The following KCNH7 variants were observed in gnomAD, a reference collection of about 807,000 sequenced individuals.
KCNH7 encodes voltage-gated inwardly rectifying potassium channel KCNH7.
Under a neutral mutation model 120.8 loss-of-function variants are expected in KCNH7, and 49 were observed. The observed-to-expected ratio is 0.41, with a 90% confidence interval of 0.32 to 0.51. The LOEUF (loss-of-function observed/expected upper bound fraction) is 0.51, where lower values mean the gene tolerates loss of function less well. Among genes scored for constraint, KCNH7 ranks in the 20% least tolerant of loss-of-function variants. The pLI is 0.38. For synonymous variants in KCNH7, 547 were observed against 516.1 expected (o/e 1.06, Z -0.81); for missense variants, 1,097 against 1,446.6 (o/e 0.76, Z 3.92).
At chr2:162,819,687 G>T (rs1180618704) in intron 2 of KCNH7, among the ~76,000 whole-genome samples, 2 of 152,124 alleles carry the variant, frequency 1.3e-5, no homozygotes, top group Admixed American at 1.3e-4. Context: ...GGCTTGTTAT[G>T]CTTAGTTTGG....
At chr2:162,546,087 G>A (rs532481164) in intron 2 of KCNH7, among the ~76,000 whole-genome samples, 21 of 152,254 alleles carry the variant, frequency 1.4e-4, no homozygotes, top group South Asian at 6.2e-4. Flanking sequence ...ATTTTCTGAC[G>A]CATAAATCAG....
At chr2:162,818,262 C>T (rs1033140815) in intron 2 of KCNH7, among the ~76,000 whole-genome samples, 1 of 151,824 alleles carries the variant, frequency 6.6e-6, no homozygotes, top group Non-Finnish European at 1.5e-5. Context: ...AGTATGTAAT[C>T]TAAATCAAAT....
chr2:162,595,984 G>A (rs376722872), intron 2 of KCNH7, among the ~76,000 whole-genome samples: 3 of 151,672 alleles, frequency 2.0e-5, no homozygotes, highest in South Asian at 2.1e-4. Flanking sequence ...AATACTAAGT[G>A]GTAAGGTTAA....
intron 15 of KCNH7, 74 bp downstream of exon 15, chr2:162,373,396 A>G: frequency 9.3e-7 from 1 of 1,079,132 alleles, no homozygotes; most frequent in Non-Finnish European, 1.3e-6. Context: ...ACAGCACCCC[A>G]AGTGATTCTG....
chr2:162,656,290 A>G (rs925519805), intron 2 of KCNH7, among the ~76,000 whole-genome samples: 1 of 152,186 alleles, frequency 6.6e-6, no homozygotes, highest in African/African-American at 2.4e-5. Flanking sequence ...TAAACATTCT[A>G]TAAAAAGACT....
chr2:162,573,965 G>T (rs191884896), intron 2 of KCNH7, among the ~76,000 whole-genome samples: 57 of 151,966 alleles, frequency 3.8e-4, no homozygotes, highest in Middle Eastern at 3.4e-3. Context: ...GTTATAAAAA[G>T]AACAGAATAA....
At chr2:162,787,423 G>A (rs1462611293) in intron 2 of KCNH7, among the ~76,000 whole-genome samples, 2 of 151,866 alleles carry the variant, frequency 1.3e-5, no homozygotes, top group African/African-American at 2.4e-5. Context: ...TATAGCCCCA[G>A]GATCCAGGAC....
At chr2:162,420,347 G>A (rs938396172) in intron 9 of KCNH7, among the ~76,000 whole-genome samples, 1 of 152,152 alleles carries the variant, frequency 6.6e-6, no homozygotes. Context: ...CTGCACTCTA[G>A]GCTGGGAAAT....
rs558264247 is a variant in KCNH7 at position 162,712,614 on chromosome 2, C to T, written c.307+123923G>A. On this transcript the variant is annotated intron_variant, in intron 2 of 15. Transcript: ENST00000332142. Reference sequence around the variant, plus strand: ...AAGATGACAGATTAAATGAACAATTCGGTCTCAAAATGTTCTTGAAATAGG... The same window carrying T: ...AAGATGACAGATTAAATGAACAATTTGGTCTCAAAATGTTCTTGAAATAGG... 3.9e-5 allele frequency among the ~76,000 whole-genome samples: 6 copies of T among 151,936 alleles called. No homozygotes were observed. The East Asian group carries it at 5.9e-4, about 15-fold the overall frequency.
At position 162,719,942 on chromosome 2, in the gene KCNH7, G is replaced by A. The variant is rs895907972; in HGVS notation, c.307+116595C>T. ...ATGTTTAATCATATTTAAAATACTA[G>A]GAGCTGTTAGCTATGGCCAAGAAAA... is the stretch of plus-strand genomic sequence containing the variant. On this transcript the variant is annotated intron_variant, in intron 2 of 15. Coordinates refer to ENST00000332142, the MANE Select transcript of KCNH7 (RefSeq NM_033272.4). Among the ~76,000 whole-genome samples the A allele has an allele frequency of 4.6e-5, 7 of 151,928 alleles. No individual in the cohort carries two copies. The East Asian group carries it at 7.7e-4, about 17-fold the overall frequency.
chr2:162,525,019 G>T (rs1010524015), intron 3 of KCNH7, among the ~76,000 whole-genome samples: 1 of 151,436 alleles, frequency 6.6e-6, no homozygotes, highest in African/African-American at 2.4e-5. Context: ...TGTAGCCAGC[G>T]CAGGCCTGGT....
chr2:162,574,498 A>G (rs1303564486), intron 2 of KCNH7, among the ~76,000 whole-genome samples: 2 of 152,224 alleles, frequency 1.3e-5, no homozygotes, highest in South Asian at 2.1e-4. Context: ...ATACAGTTGC[A>G]TAAGTGCACT....
chr2:162,519,552 G>T (rs1236734457), intron 3 of KCNH7, among the ~76,000 whole-genome samples: 2 of 151,698 alleles, frequency 1.3e-5, no homozygotes, highest in African/African-American at 4.8e-5. Context: ...TGTCAAGCAT[G>T]AATTTGTTTA....
At chr2:162,793,169 C>T (rs1315669387) in intron 2 of KCNH7, among the ~76,000 whole-genome samples, 1 of 151,928 alleles carries the variant, frequency 6.6e-6, no homozygotes, top group Non-Finnish European at 1.5e-5. Context: ...AGCTGGAGGC[C>T]ATTATCCTTA....
At chr2:162,527,169 T>A (rs1164459191) in intron 3 of KCNH7, among the ~76,000 whole-genome samples, 1 of 151,954 alleles carries the variant, frequency 6.6e-6, no homozygotes, top group Non-Finnish European at 1.5e-5. Context: ...TGAGTAAATT[T>A]TCCTCAGATT....
intron 2 of KCNH7, among the ~76,000 whole-genome samples, chr2:162,608,611 T>C (rs1484843678): frequency 6.6e-6 from 1 of 152,200 alleles, no homozygotes; most frequent in African/African-American, 2.4e-5. Context: ...CTGACTTTTG[T>C]CAAATGGTCC....
chr2:162,458,690 A>G (rs1373977262), intron 6 of KCNH7, among the ~76,000 whole-genome samples: 1 of 152,172 alleles, frequency 6.6e-6, no homozygotes, highest in Non-Finnish European at 1.5e-5. Flanking sequence ...AAAAGCACAG[A>G]TGACAGAGGA....
intron 2 of KCNH7, among the ~76,000 whole-genome samples, chr2:162,702,708 A>C (rs1400529342): frequency 6.6e-6 from 1 of 151,926 alleles, no homozygotes; most frequent in African/African-American, 2.4e-5. Flanking sequence ...CTCTCTTAGC[A>C]CTCTGGTCCT....
At chr2:162,648,881 C>T (rs1156854377) in intron 2 of KCNH7, among the ~76,000 whole-genome samples, 2 of 152,082 alleles carry the variant, frequency 1.3e-5, no homozygotes, top group African/African-American at 2.4e-5. Flanking sequence ...GGGGAAGATA[C>T]TTCTCTTAAG....
Sources: allele counts gnomAD v4.1 joint callset (sites outside exome capture counted in the v4.1 genomes callset), GRCh38; gene constraint gnomAD v4.1.1; transcripts MANE v1.5; gene names NCBI Gene and HGNC (gene_info 2026-07-23, HGNC 2026-07-21).